The following URAD variants were observed in gnomAD, a reference collection of about 807,000 sequenced individuals.
URAD encodes the protein ureidoimidazoline (2-oxo-4-hydroxy-4-carboxy-5-) decarboxylase, also known as putative 2-oxo-4-hydroxy-4-carboxy-5-ureidoimidazoline decarboxylase.
Under a neutral mutation model 4.6 loss-of-function variants are expected in URAD, and 4 were observed. The observed-to-expected ratio is 0.87, with a 90% CI of 0.43 to 1.98. The LOEUF (loss-of-function observed/expected upper bound fraction) is 1.98. Ranked by LOEUF, URAD falls within the 30% of genes most tolerant of loss-of-function variation. The pLI is 0.03. For synonymous variants in URAD, 144 were observed against 118.2 expected, an observed-to-expected ratio of 1.22 and a Z score of -1.41; for missense variants, 300 against 255.3, an observed-to-expected ratio of 1.18 and a Z score of -1.19.
Position 27,978,457 on chromosome 13 carries a change from G to A in URAD, c.176-5C>T. 5 of 1,322,216 alleles carry A rather than the reference G, an allele frequency of 3.8e-6. No individual in the cohort carries two copies. Among genetic ancestry groups the A allele is most frequent in the Middle Eastern group, 5.5e-4 (2 of 3,634 alleles). 81.9% of individuals were successfully genotyped at this position (1,322,216 alleles called of 1,614,324 possible). A position where few individuals can be genotyped will look rare whatever the true frequency, so the allele number is the denominator to read the frequency against. ...AGCGCAGGATGCCCTCCTGGCCTGCGGAGAAGCACAGACACCGGCGGGAGC... is the reference window on the plus strand; with the variant it reads ...AGCGCAGGATGCCCTCCTGGCCTGCAGAGAAGCACAGACACCGGCGGGAGC... On this transcript the variant is annotated splice_polypyrimidine_tract_variant and splice_region_variant and intron_variant, in intron 1 of 1. Transcript: ENST00000332715.
At chr13:27,979,974 C>A (rs1035208231) in intron 1 of URAD, among the ~76,000 whole-genome samples, 1 of 152,216 alleles carries the variant, frequency 6.6e-6, no homozygotes, top group Non-Finnish European at 1.5e-5. Context: ...AAATCACAGG[C>A]GTTTTCAGGG....
At position 27,987,898 on chromosome 13, in the gene URAD, A is replaced by ATAGATAGG. The variant is rs559211478; in HGVS notation, c.175+564_175+565insCCTATCTA. Among the ~76,000 whole-genome samples, 30 of 45,658 alleles carry ATAGATAGG rather than the reference A, an allele frequency of 6.6e-4. 2 individuals carry two copies. In the South Asian group the frequency reaches 0.011, roughly 17 times the overall value. 30.0% of individuals were successfully genotyped at this position (45,658 alleles called of 152,430 possible). On this transcript the variant is annotated intron_variant, in intron 1 of 1. Transcript: ENST00000332715. ...TTAGACTAAAATAGATAGATGATAGATAGATAGATAGATAGATAGATAGAT... is the reference window on the plus strand; with the variant it reads ...TTAGACTAAAATAGATAGATGATAGATAGATAGGTAGATAGATAGATAGATAGATAGAT...
At chr13:27,983,753 T>A (rs1458197721) in intron 1 of URAD, among the ~76,000 whole-genome samples, 1 of 152,226 alleles carries the variant, frequency 6.6e-6, no homozygotes, top group African/African-American at 2.4e-5. Context: ...AGGCAAGGAC[T>A]TGTCTTGGTC....
intron 1 of URAD, among the ~76,000 whole-genome samples, chr13:27,980,472 G>A (rs1869842025): frequency 1.3e-5 from 2 of 152,226 alleles, no homozygotes; most frequent in African/African-American, 4.8e-5. Context: ...CGCTCACCCA[G>A]GCCCAGGACG....
chr13:27,986,401 G>A (rs991919453), intron 1 of URAD, among the ~76,000 whole-genome samples: 3 of 152,140 alleles, frequency 2.0e-5, no homozygotes, highest in Admixed American at 6.5e-5. Context: ...GGTTGCCCAC[G>A]TCCAGTGCTG....
chr13:27,985,075 A>C (rs956709803), intron 1 of URAD, among the ~76,000 whole-genome samples: 4 of 152,234 alleles, frequency 2.6e-5, no homozygotes, highest in Non-Finnish European at 2.9e-5. Context: ...CCATATATGT[A>C]TACATTGTGA....
rs1869759756 is a variant in URAD at position 27,978,063 on chromosome 13, G to A, written c.*43C>T. 2.1e-6 allele frequency: 3 copies of A among 1,401,324 alleles called. No homozygotes were observed. The highest frequency in any genetic ancestry group is 1.6e-5 in the South Asian group (1 of 64,516). The allele number at this position is 1,401,324 out of a possible 1,614,324, so 86.8% of individuals were successfully genotyped here. A position where few individuals can be genotyped will look rare whatever the true frequency, so the allele number is the denominator to read the frequency against. On this transcript the variant is annotated 3_prime_UTR_variant, in exon 2 of 2. Coordinates refer to ENST00000332715, the MANE Select transcript of URAD (RefSeq NM_001105577.2). ...CGCACAGCTCCGGGCCGTGGCCCCC[G>A]CGCGTCCGGTTGTGCGTCCCGGGTC...
At position 27,978,458 on chromosome 13, in the gene URAD, G is replaced by GA; in HGVS notation, c.176-7dup. On this transcript the variant is annotated splice_polypyrimidine_tract_variant and splice_region_variant and intron_variant, in intron 1 of 1. Coordinates refer to ENST00000332715, the MANE Select transcript of URAD (RefSeq NM_001105577.2). ...GCGCAGGATGCCCTCCTGGCCTGCG[G>GA]AGAAGCACAGACACCGGCGGGAGCG... 7.6e-7 allele frequency: 1 copy of GA among 1,320,790 alleles called. No homozygotes were observed. The highest frequency in any genetic ancestry group is 9.6e-7 in the Non-Finnish European group (1 of 1,040,764). 81.8% of individuals were successfully genotyped at this position (1,320,790 alleles called of 1,614,324 possible). A position where few individuals can be genotyped will look rare whatever the true frequency, so the allele number is the denominator to read the frequency against.
At position 27,988,475 on chromosome 13, in the gene URAD, G is replaced by C; in HGVS notation, c.163C>G (p.Leu55Val). 6.2e-7 allele frequency: 1 copy of C among 1,610,634 alleles called. No homozygotes were observed. Among genetic ancestry groups the C allele is most frequent in the Non-Finnish European group, 8.5e-7 (1 of 1,178,280 alleles). Residue 55 changes from leucine to valine, a missense_variant, in exon 1 of 2, where the codon CTT becomes GTT. Physicochemically the swap from Leu to Val is conservative, Grantham distance 32. Transcript: ENST00000332715. ...EKHFFAFIDALAQSGQEGILR... is the reference protein window; with the variant it reads ...EKHFFAFIDAVAQSGQEGILR... ...ACGGAAGCCTTACCTGACTGTGCAA[G>C]GGCATCAATAAAGGCAAAAAAGTGC... is the stretch of plus-strand genomic sequence containing the variant.
chr13:27,977,775 G>C lies in URAD; in HGVS notation c.*331C>G, dbSNP rs1212250195. The C allele has an allele frequency of 3.0e-6, 1 of 329,272 alleles. No homozygotes were observed. The highest frequency in any genetic ancestry group is 5.5e-6 in the Non-Finnish European group (1 of 181,208). 20.4% of individuals were successfully genotyped at this position (329,272 alleles called of 1,614,324 possible). On this transcript the variant is annotated 3_prime_UTR_variant, in exon 2 of 2. Transcript: ENST00000332715. The stretch of plus-strand genomic sequence containing the variant: ...GCTTTGCAGTTCGGGCTTAGCAGGA[G>C]AGGGTTGGGGAGAACTGGATAAACG...
intron 1 of URAD, among the ~76,000 whole-genome samples, chr13:27,978,866 A>G (rs2137554233): frequency 6.6e-6 from 1 of 152,206 alleles, no homozygotes; most frequent in South Asian, 2.1e-4. Context: ...CCTATCTTTC[A>G]AAGTCCTTTG....
At chr13:27,983,544 G>A (rs889180668) in intron 1 of URAD, among the ~76,000 whole-genome samples, 3 of 151,934 alleles carry the variant, frequency 2.0e-5, no homozygotes, top group Non-Finnish European at 2.9e-5. Context: ...CCTTTTCTAT[G>A]AGTGGCCTCA....
Position 27,978,239 on chromosome 13 carries a change from G to A in URAD, c.389C>T (p.Ala130Val), listed in dbSNP as rs1869770604. 6.9e-7 allele frequency: 1 copy of A among 1,457,956 alleles called. No individual in the cohort carries two copies. The highest frequency in any genetic ancestry group is 9.0e-7 in the Non-Finnish European group (1 of 1,114,714). The allele number at this position is 1,457,956 out of a possible 1,614,324, so 90.3% of individuals were successfully genotyped here. A position where few individuals can be genotyped will look rare whatever the true frequency, so the allele number is the denominator to read the frequency against. ...VLAARFSDRTAVPRELARRLL... is the reference protein window; with the variant it reads ...VLAARFSDRTVVPRELARRLL... ...CCGGCGCGCCAGCTCGCGCGGCACC[G>A]CCGTCCGGTCGCTGAAGCGCGCGGC... Residue 130 changes from alanine (A) to valine (V), a missense_variant, in exon 2 of 2, where the codon GCG (alanine) becomes GTG (valine). Transcript: ENST00000332715.
Position 27,986,795 on chromosome 13 carries a change from G to A in URAD, c.175+1668C>T, listed in dbSNP as rs943984994. Among the ~76,000 whole-genome samples the A allele has an allele frequency of 7.2e-5, 11 of 152,172 alleles. No individual in the cohort carries two copies. The South Asian group carries it at 2.3e-3, about 32-fold the overall frequency. Reference sequence around the variant, plus strand: ...TATTTTCCTGTCAGACATTGAGAGGGTGGGCTCCGGGGCCTCCTGCTCCTT... The same window carrying A: ...TATTTTCCTGTCAGACATTGAGAGGATGGGCTCCGGGGCCTCCTGCTCCTT... On this transcript the variant is annotated intron_variant, in intron 1 of 1. Coordinates refer to ENST00000332715, the MANE Select transcript of URAD (RefSeq NM_001105577.2).
intron 1 of URAD, among the ~76,000 whole-genome samples, chr13:27,985,281 A>G (rs1225487234): frequency 2.0e-5 from 3 of 151,842 alleles, no homozygotes; most frequent in African/African-American, 7.3e-5. Flanking sequence ...AACATGATGA[A>G]ACCCCATCTC....
chr13:27,986,437 C>T (rs574616262), intron 1 of URAD, among the ~76,000 whole-genome samples: 17 of 152,138 alleles, frequency 1.1e-4, no homozygotes, highest in Non-Finnish European at 2.4e-4. Flanking sequence ...GCTCAGGGCC[C>T]TGACTGGACT....
intron 1 of URAD, among the ~76,000 whole-genome samples, chr13:27,985,908 C>A (rs374972029): frequency 2.6e-4 from 40 of 152,292 alleles, no homozygotes; most frequent in East Asian, 1.2e-3. Context: ...GTGCCTGAAA[C>A]ACACCAGTAG....
rs754582441 is a variant in URAD, at chr13:27,978,232, C to T, written c.396G>A (p.Pro132=). The T allele has an allele frequency of 9.6e-6, 14 of 1,464,352 alleles. No homozygotes were observed. In the South Asian group the frequency reaches 1.6e-4, roughly 17 times the overall value. 90.7% of individuals were successfully genotyped at this position (1,464,352 alleles called of 1,614,324 possible). Residue 132 remains proline (P), a synonymous_variant, in exon 2 of 2, where the codon CCG becomes CCA. Coordinates refer to ENST00000332715, the MANE Select transcript of URAD (RefSeq NM_001105577.2). Reference sequence around the variant, plus strand: ...AGAGCAGCCGGCGCGCCAGCTCGCGCGGCACCGCCGTCCGGTCGCTGAAGC... The same window carrying T: ...AGAGCAGCCGGCGCGCCAGCTCGCGTGGCACCGCCGTCCGGTCGCTGAAGC... ...AARFSDRTAV[P]RELARRLLCP... is the part of the protein sequence containing the mutation.
At chr13:27,980,081 G>T (rs1869831034) in intron 1 of URAD, among the ~76,000 whole-genome samples, 1 of 152,144 alleles carries the variant, frequency 6.6e-6, no homozygotes, top group South Asian at 2.1e-4. Flanking sequence ...TTTTTTGTGT[G>T]TTTTTTCAAG....
Sources: gnomAD v4.1 joint callset for allele counts (sites outside exome capture counted in the v4.1 genomes callset) on GRCh38, gnomAD v4.1.1 for gene constraint, MANE v1.5 for transcripts, NCBI Gene and HGNC (gene_info 2026-07-23, HGNC 2026-07-21) for gene names.